Variants in ROPN1L observed in about 807,000 individuals in gnomAD.
ROPN1L encodes ropporin-1-like protein.
ROPN1L carries 23 observed loss-of-function variants against 22.7 expected under a neutral mutation model. That is an observed-to-expected ratio of 1.01 (90% CI 0.73 to 1.43). The LOEUF (loss-of-function observed/expected upper bound fraction) is 1.43. ROPN1L is among the 40% of genes most tolerant of loss of function. The probability of loss-of-function intolerance (pLI) is 0.00; values close to 1 mark genes in which losing one functional copy is unlikely to be tolerated. For missense variants in ROPN1L, 271 were observed against 291.5 expected (o/e 0.93, Z 0.51); for synonymous variants, 116 against 117.8 (o/e 0.98, Z 0.10).
At chr5:10,478,770 C>G in the ROPN1L span, among the ~76,000 whole-genome samples, 4 of 152,168 alleles carry the variant, frequency 2.6e-5, no homozygotes, top group African/African-American at 9.7e-5. Flanking sequence ...AAACACTCTT[C>G]AAGCCAGTAA....
At chr5:10,476,112 C>T (rs1315913261), downstream of ROPN1L, among the ~76,000 whole-genome samples, 1 of 152,242 alleles carries the variant, frequency 6.6e-6, no homozygotes, top group Admixed American at 6.5e-5. Flanking sequence ...CGCTTAGCCA[C>T]GTGACCACAT....
intron 1 of ROPN1L, among the ~76,000 whole-genome samples, chr5:10,443,805 C>A (rs973355212): frequency 6.6e-6 from 1 of 152,170 alleles, no homozygotes; most frequent in East Asian, 1.9e-4. Context: ...TTCTTGGACG[C>A]CTTGGCTCAT....
At chr5:10,449,778 G>A (rs1050831015) in intron 2 of ROPN1L, among the ~76,000 whole-genome samples, 174 bp from the exon 3 acceptor site, 2 of 152,024 alleles carry the variant, frequency 1.3e-5, no homozygotes, top group Non-Finnish European at 2.9e-5. Flanking sequence ...GTTGCCGCTC[G>A]CTGCCTTCCC....
At chr5:10,449,102 G>A (rs1318109212) in intron 2 of ROPN1L, among the ~76,000 whole-genome samples, 1 of 152,264 alleles carries the variant, frequency 6.6e-6, no homozygotes, top group Admixed American at 6.5e-5. Context: ...TACCTTAAGG[G>A]AAGCAAAGAA....
the ROPN1L span, among the ~76,000 whole-genome samples, chr5:10,478,754 G>A: frequency 6.6e-6 from 1 of 152,104 alleles, no homozygotes; most frequent in Admixed American, 6.6e-5. Context: ...TGAATTTTGG[G>A]GTGGGAAACA....
chr5:10,472,945 G>A (rs964617329), downstream of ROPN1L, among the ~76,000 whole-genome samples: 9 of 152,150 alleles, frequency 5.9e-5, no homozygotes, highest in African/African-American at 1.4e-4. Flanking sequence ...CTACACTAAC[G>A]GGGTGAGGAG....
rs1371372231 is a variant in ROPN1L, at chr5:10,442,096, C to T, written c.-72C>T. The T allele has an allele frequency of 3.2e-6, 5 of 1,560,876 alleles. No homozygotes were observed. The highest frequency in any genetic ancestry group is 3.5e-6 in the Non-Finnish European group (4 of 1,145,528). On this transcript the variant is annotated 5_prime_UTR_variant, in exon 1 of 5. Transcript: ENST00000274134. ...CGCGCTGCTAGCGGGTCCACCGCGT[C>T]GTAGCCGACAGCCGCCCTTCTTCCT...
the ROPN1L span, among the ~76,000 whole-genome samples, chr5:10,478,920 G>C: frequency 6.6e-6 from 1 of 152,094 alleles, no homozygotes; most frequent in Non-Finnish European, 1.5e-5. Flanking sequence ...GAATATATAG[G>C]GTGTTGTAAA....
intron 1 of ROPN1L, among the ~76,000 whole-genome samples, chr5:10,444,059 CA>C (rs1740977224): frequency 1.3e-5 from 2 of 152,180 alleles, no homozygotes; most frequent in African/African-American, 4.8e-5. Flanking sequence ...CTTGTCCATC[CA>C]GTGCTTGCCT....
At chr5:10,463,488 C>CT (rs1474750680) in intron 4 of ROPN1L, among the ~76,000 whole-genome samples, 1 of 152,128 alleles carries the variant, frequency 6.6e-6, no homozygotes, top group African/African-American at 2.4e-5. Context: ...AAAGGGCCTT[C>CT]TAGGTGCAAG....
At chr5:10,479,816 G>A in the ROPN1L span, among the ~76,000 whole-genome samples, 2 of 152,226 alleles carry the variant, frequency 1.3e-5, no homozygotes, top group East Asian at 3.9e-4. Flanking sequence ...CACGATCTCG[G>A]CTCACGCAAC....
rs745916364 is a variant in ROPN1L, at chr5:10,442,161, G to A, written c.-7G>A. On this transcript the variant is annotated 5_prime_UTR_variant, in exon 1 of 5. Transcript: ENST00000274134. ...ATTCACCAGCCTGGTCCCTTCTGCG[G>A]AGAGCGATGCCGCTTCCCGACACCA... is the stretch of plus-strand genomic sequence containing the variant. 7 of 1,613,050 alleles carry A rather than the reference G, an allele frequency of 4.3e-6. 1 individual carries two copies. The Admixed American group carries it at 1.2e-4, about 27-fold the overall frequency.
intron 3 of ROPN1L, among the ~76,000 whole-genome samples, chr5:10,454,079 T>A (rs2126447278): frequency 6.6e-6 from 1 of 152,340 alleles, no homozygotes; most frequent in East Asian, 1.9e-4. Context: ...AATGTTTTGA[T>A]GTGCTTGCAT....
chr5:10,464,857 G>A lies in ROPN1L; in HGVS notation c.603G>A (p.Arg201=), dbSNP rs1735123741. ...LASLKENIDA[R]KNGMIGLSDF... ...TCTGTTTCCAATTTAGAGACGCCAG[G>A]AAGAACGGCATGATAGGTCTTTCAG... Residue 201 remains arginine, a synonymous_variant, in exon 5 of 5, where the codon AGG becomes AGA. Coordinates refer to ENST00000274134, the MANE Select transcript of ROPN1L (RefSeq NM_031916.5). The A allele has an allele frequency of 1.3e-6, 2 of 1,591,420 alleles. No homozygotes were observed. Among genetic ancestry groups the A allele is most frequent in the Non-Finnish European group, 1.7e-6 (2 of 1,170,452 alleles).
At chr5:10,475,139 T>A (rs1356899384), downstream of ROPN1L, among the ~76,000 whole-genome samples, 1 of 152,102 alleles carries the variant, frequency 6.6e-6, no homozygotes, top group African/African-American at 2.4e-5. Context: ...CTTTCCCTGG[T>A]GCCATCTAGA....
At position 10,450,081 on chromosome 5, in the gene ROPN1L, T is replaced by G; in HGVS notation, c.385T>G (p.Phe129Val). 1 of 1,613,716 alleles carries G rather than the reference T, an allele frequency of 6.2e-7. No homozygotes were observed. The highest frequency in any genetic ancestry group is 8.5e-7 in the Non-Finnish European group (1 of 1,179,888). Residue 129 changes from phenylalanine (F) to valine (V), a missense_variant, in exon 3 of 5, where the codon TTT (phenylalanine) becomes GTT (valine). Physicochemically the swap from Phe to Val is conservative, Grantham distance 50 (BLOSUM62 -1). Coordinates refer to ENST00000274134, the MANE Select transcript of ROPN1L (RefSeq NM_031916.5). ...PCENKIKWIN[F>V]LALGCSMLGG... ...TGAAAACAAAATCAAGTGGATAAAC[T>G]TTTTAGCGCTTGGATGCAGCATGCT...
downstream of ROPN1L, among the ~76,000 whole-genome samples, chr5:10,468,915 G>A (rs1416576570): frequency 1.3e-5 from 2 of 152,230 alleles, no homozygotes; most frequent in African/African-American, 2.4e-5. Context: ...CAGCACTTTG[G>A]GAGGCCAAGG....
At chr5:10,449,234 G>A (rs951330513) in intron 2 of ROPN1L, among the ~76,000 whole-genome samples, 2 of 152,188 alleles carry the variant, frequency 1.3e-5, no homozygotes, top group African/African-American at 4.8e-5. Flanking sequence ...ATAGTAGAAG[G>A]AAGGCCGGGC....
chr5:10,454,143 A>G (rs1423965310), intron 3 of ROPN1L, among the ~76,000 whole-genome samples: 1 of 150,134 alleles, frequency 6.7e-6, no homozygotes, highest in Non-Finnish European at 1.5e-5. Context: ...TTTTTTTTTT[A>G]AGAGACAGGG....
Sources: gnomAD v4.1 joint callset for allele counts (sites outside exome capture counted in the v4.1 genomes callset) on GRCh38, gnomAD v4.1.1 for gene constraint, MANE v1.5 for transcripts, NCBI Gene and HGNC (gene_info 2026-07-23, HGNC 2026-07-21) for gene names.